Variants in TMEM14C observed in about 807,000 individuals in gnomAD.
TMEM14C encodes transmembrane protein 14C.
A neutral mutation model predicts 14.8 loss-of-function variants in TMEM14C; 13 were observed. The observed-to-expected ratio is 0.88, with a 90% confidence interval of 0.57 to 1.40. The LOEUF is 1.40. Ranked by LOEUF, TMEM14C falls within the 40% of genes most tolerant of loss-of-function variation. The pLI is 0.00. For synonymous variants in TMEM14C, 57 were observed against 51.3 expected (o/e 1.11, Z -0.48); for missense variants, 142 against 138.8 (o/e 1.02, Z -0.12).
chr6:10,730,543 T>G, intron 5 of TMEM14C, 72 bp from the exon 6 acceptor site: 1 of 1,475,352 alleles, frequency 6.8e-7, no homozygotes, highest in Non-Finnish European at 9.4e-7. Context: ...AACCAGCAGT[T>G]TAGTTCCTTA....
intron 4 of TMEM14C, among the ~76,000 whole-genome samples, chr6:10,727,261 G>T (rs1258531395): frequency 6.6e-6 from 1 of 151,992 alleles, no homozygotes; most frequent in Non-Finnish European, 1.5e-5. Context: ...CACTGGCCAG[G>T]ATCCTGTCTT....
At position 10,728,671 on chromosome 6, in the gene TMEM14C, A is replaced by G; in HGVS notation, c.231A>G (p.Gly77=). ...CTGGTACCTTGGCTGGCATTATGGGAATGAGGTTCTACCACTCTGGAAAAT... is the reference window on the plus strand; with the variant it reads ...CTGGTACCTTGGCTGGCATTATGGGGATGAGGTTCTACCACTCTGGAAAAT... ...ATSGTLAGIM[G]MRFYHSGKFM... The change falls in exon 5 of 6, where the codon GGA becomes GGG. Residue 77 remains glycine, a synonymous_variant. Transcript: ENST00000229563. 1 of 1,614,144 alleles carries G rather than the reference A, an allele frequency of 6.2e-7. No individual in the cohort carries two copies.
At chr6:10,724,494 C>A in intron 1 of TMEM14C, 76 bp from the exon 2 acceptor site, 1 of 923,930 alleles carries the variant, frequency 1.1e-6, no homozygotes, top group Non-Finnish European at 1.7e-6. Flanking sequence ...GCGTAGCTTG[C>A]AGGTTGGACA....
chr6:10,724,909 G>A, intron 2 of TMEM14C, 52 bp from the exon 3 acceptor site: 1 of 1,596,378 alleles, frequency 6.3e-7, no homozygotes, highest in Non-Finnish European at 8.6e-7. Context: ...ATGACAGTAT[G>A]GTTTGTTTTC....
chr6:10,726,195 T>C (rs1430856249), intron 4 of TMEM14C, among the ~76,000 whole-genome samples, 187 bp downstream of exon 4: 2 of 152,202 alleles, frequency 1.3e-5, no homozygotes, highest in East Asian at 3.8e-4. Context: ...GGTTTCTGTT[T>C]ATCTTTTACA....
rs1561906887 is a variant in TMEM14C, at chr6:10,731,014, A to G, written c.*348A>G. 3 of 1,001,120 alleles carry G rather than the reference A, an allele frequency of 3.0e-6. No individual in the cohort carries two copies. The highest frequency in any genetic ancestry group is 5.9e-5 in the Admixed American group (1 of 16,942). 62.0% of individuals were successfully genotyped at this position (1,001,120 alleles called of 1,614,324 possible). A position where few individuals can be genotyped will look rare whatever the true frequency, so the allele number is the denominator to read the frequency against. ...CCCTGCTCTGAGGAACAGTGTGAAA[A>G]AAAGTCTTTTAGGAGATTTACAATA... On this transcript the variant is annotated 3_prime_UTR_variant, in exon 6 of 6. Transcript: ENST00000229563.
intron 1 of TMEM14C, among the ~76,000 whole-genome samples, chr6:10,723,575 G>A (rs1770757166): frequency 7.1e-6 from 1 of 140,670 alleles, no homozygotes; most frequent in Non-Finnish European, 1.5e-5. Context: ...GCCCTTCCCT[G>A]TTTTATGGAA....
At chr6:10,724,364 A>G in intron 1 of TMEM14C, 3 of 524,180 alleles carry the variant, frequency 5.7e-6, no homozygotes, top group Non-Finnish European at 1.0e-5. Context: ...GCATCTGTTC[A>G]GGGTTTACTA....
At chr6:10,728,559 G>T (rs936550286) in intron 4 of TMEM14C, 81 bp from the exon 5 acceptor site, 16 of 1,425,612 alleles carry the variant, frequency 1.1e-5, no homozygotes, top group South Asian at 7.2e-5. Context: ...CTTGAGAGAT[G>T]GGTGGGGCTT....
chr6:10,726,196 A>G (rs545774024), intron 4 of TMEM14C, among the ~76,000 whole-genome samples, 188 bp downstream of exon 4: 15 of 152,340 alleles, frequency 9.8e-5, no homozygotes, highest in African/African-American at 2.9e-4. Flanking sequence ...GTTTCTGTTT[A>G]TCTTTTACAT....
chr6:10,730,627 C>A lies in TMEM14C; in HGVS notation c.300C>A (p.Val100=). 1 of 1,612,174 alleles carries A rather than the reference C, an allele frequency of 6.2e-7. No homozygotes were observed. The highest frequency in any genetic ancestry group is 1.1e-5 in the South Asian group (1 of 90,912). ...TTCTTTTAAACAGTTTGCTGATGGT[C>A]GCCAAAGTTGGAGTTAGTATGTTCA... The part of the protein sequence containing the change: ...GLIAGASLLM[V]AKVGVSMFNR... The change falls in exon 6 of 6, where the codon GTC becomes GTA. Residue 100 remains valine, a synonymous_variant. Transcript: ENST00000229563.
At chr6:10,726,163 G>A (rs575263630) in intron 4 of TMEM14C, among the ~76,000 whole-genome samples, 155 bp downstream of exon 4, 1 of 152,198 alleles carries the variant, frequency 6.6e-6, no homozygotes. Context: ...TAAAATGAGG[G>A]TGCAGAGGCA....
chr6:10,724,559 G>A lies in TMEM14C; in HGVS notation c.-44-11G>A. 1 of 1,601,738 alleles carries A rather than the reference G, an allele frequency of 6.2e-7. No homozygotes were observed. Among genetic ancestry groups the A allele is most frequent in the Non-Finnish European group, 8.5e-7 (1 of 1,170,634 alleles). On this transcript the variant is annotated splice_polypyrimidine_tract_variant and intron_variant, in intron 1 of 5. Coordinates refer to ENST00000229563, the MANE Select transcript of TMEM14C (RefSeq NM_016462.4). The stretch of plus-strand genomic sequence containing the variant: ...CTTTTAACTACCTCTGATCCAGCTT[G>A]TTTTCTGCAGGTGCAGGCCTGGGGT...
At position 10,728,926 on chromosome 6, in the gene TMEM14C, G is replaced by A. The variant is rs543133181; in HGVS notation, c.287+199G>A. 2.7e-5 allele frequency: 34 copies of A among 1,281,674 alleles called. No individual in the cohort carries two copies. The African/African-American group carries it at 4.3e-4, about 16-fold the overall frequency. The allele number at this position is 1,281,674 out of a possible 1,614,324, so 79.4% of individuals were successfully genotyped here. A position where few individuals can be genotyped will look rare whatever the true frequency, so the allele number is the denominator to read the frequency against. On this transcript the variant is annotated intron_variant, in intron 5 of 5. Transcript: ENST00000229563. Reference sequence around the variant, plus strand: ...AATGGCATGAGTATATCCATTCACCGTGGAAATGGGTTTGTTCTCATATTT... The same window carrying A: ...AATGGCATGAGTATATCCATTCACCATGGAAATGGGTTTGTTCTCATATTT...
intron 2 of TMEM14C, 67 bp from the exon 3 acceptor site, chr6:10,724,894 A>G (rs950750268): frequency 6.3e-7 from 1 of 1,576,464 alleles, no homozygotes; most frequent in Admixed American, 1.7e-5. Flanking sequence ...TTTTAGTCCC[A>G]TCCTATGACA....
Position 10,725,032 on chromosome 6 carries a change from A to G in TMEM14C, c.92A>G (p.Lys31Arg), listed in dbSNP as rs1450948168. ...TCTGGTGGGATCATTGGCTATGTAA[A>G]AGCAGGTAGGGTTTTGTTGTTACTT... Reference protein sequence around the residue: ...VASGGIIGYVKAGSVPSLAAG... With the variant: ...VASGGIIGYVRAGSVPSLAAG... The change falls in exon 3 of 6, where the codon AAA becomes AGA. Residue 31 changes from lysine (K) to arginine (R), a missense_variant. Physicochemically the swap from Lys to Arg is conservative, Grantham distance 26. Transcript: ENST00000229563. 4.3e-6 allele frequency: 7 copies of G among 1,613,994 alleles called. No individual in the cohort carries two copies. The highest frequency in any genetic ancestry group is 5.1e-6 in the Non-Finnish European group (6 of 1,180,036).
intron 4 of TMEM14C, among the ~76,000 whole-genome samples, chr6:10,728,070 C>A (rs1194165819): frequency 2.0e-5 from 3 of 152,182 alleles, no homozygotes; most frequent in Non-Finnish European, 4.4e-5. Flanking sequence ...CTGGAATGGG[C>A]CTTCCCATCC....
chr6:10,723,770 T>G (rs1436141976), intron 1 of TMEM14C, among the ~76,000 whole-genome samples: 6 of 152,024 alleles, frequency 3.9e-5, no homozygotes, highest in Admixed American at 3.9e-4. Flanking sequence ...GCGATTAATT[T>G]TTTTATATTT....
intron 4 of TMEM14C, 84 bp from the exon 5 acceptor site, chr6:10,728,556 G>T (rs547930438): frequency 4.2e-6 from 6 of 1,413,026 alleles, no homozygotes; most frequent in African/African-American, 4.2e-5. Flanking sequence ...AGCCTTGAGA[G>T]ATGGGTGGGG....
Sources: allele counts gnomAD v4.1 joint callset (sites outside exome capture counted in the v4.1 genomes callset), GRCh38; gene constraint gnomAD v4.1.1; transcripts MANE v1.5; gene names NCBI Gene and HGNC (gene_info 2026-07-23, HGNC 2026-07-21).